The following CNBD1 variants were observed in gnomAD, a reference collection of about 807,000 sequenced individuals.
CNBD1 encodes the protein cyclic nucleotide-binding domain-containing protein 1.
CNBD1 carries 71 observed loss-of-function variants against 54.4 expected under a neutral mutation model. That is an observed-to-expected ratio of 1.30 (90% CI 1.08 to 1.59). The LOEUF is 1.59. Ranked by LOEUF, CNBD1 falls within the 40% of genes most tolerant of loss-of-function variation. The pLI, the probability that CNBD1 is intolerant of heterozygous loss-of-function variation, is 0.00. For synonymous variants in CNBD1, 182 were observed against 170.7 expected, an observed-to-expected ratio of 1.07 and a Z score of -0.51; for missense variants, 659 against 518.0, an observed-to-expected ratio of 1.27 and a Z score of -2.64.
chr8:87,254,356 TATC>T (rs1223297097), intron 6 of CNBD1, among the ~76,000 whole-genome samples: 1 of 152,222 alleles, frequency 6.6e-6, no homozygotes, highest in East Asian at 1.9e-4. Context: ...CTGTGTAGCT[TATC>T]ATGTGGTTCA....
intron 4 of CNBD1, among the ~76,000 whole-genome samples, chr8:87,175,829 G>A (rs2130772768): frequency 6.6e-6 from 1 of 152,290 alleles, no homozygotes; most frequent in Non-Finnish European, 1.5e-5. Context: ...TGTGTTTCAA[G>A]TTTATTTAGA....
At chr8:87,341,479 G>T (rs1051951418) in intron 8 of CNBD1, among the ~76,000 whole-genome samples, 2 of 152,102 alleles carry the variant, frequency 1.3e-5, no homozygotes, top group Admixed American at 1.3e-4. Flanking sequence ...ATGACAAGAG[G>T]GTAGTGTAAA....
intron 6 of CNBD1, among the ~76,000 whole-genome samples, chr8:87,256,629 C>A (rs1808029722): frequency 7.3e-6 from 1 of 136,236 alleles, no homozygotes; most frequent in African/African-American, 2.8e-5. Context: ...TATCAAAATT[C>A]TCTCTCCCCA....
In CNBD1 at chr8:87,150,313, A is replaced by G. The variant is rs377596732; in HGVS notation, c.432-55680A>G. ...ACATTTGGTTACAAAAAATGACCGT[A>G]CAATAGAGTGAAGGTCTATATGGCT... On this transcript the variant is annotated intron_variant, in intron 4 of 10. Coordinates refer to ENST00000518476, the MANE Select transcript of CNBD1 (RefSeq NM_173538.3). Among the ~76,000 whole-genome samples, 7 of 152,350 alleles carry G rather than the reference A, an allele frequency of 4.6e-5. No individual in the cohort carries two copies. The East Asian group carries it at 7.7e-4, about 17-fold the overall frequency.
chr8:87,243,426 T>C (rs78367199), intron 6 of CNBD1, among the ~76,000 whole-genome samples: 1,536 of 152,294 alleles, frequency 0.01, 27 homozygotes, highest in African/African-American at 0.035. Flanking sequence ...GAATTTAAGC[T>C]ATTTGATTTT....
chr8:87,343,424 T>G (rs1314102420), intron 8 of CNBD1, among the ~76,000 whole-genome samples: 1 of 152,230 alleles, frequency 6.6e-6, no homozygotes, highest in Non-Finnish European at 1.5e-5. Context: ...AAGTATTAAT[T>G]TTGGGAACTA....
chr8:86,963,180 C>G (rs551597554), intron 4 of CNBD1, among the ~76,000 whole-genome samples: 1 of 152,134 alleles, frequency 6.6e-6, no homozygotes, highest in South Asian at 2.1e-4. Context: ...ACCATGGGTG[C>G]AAGTGCAACC....
intron 4 of CNBD1, among the ~76,000 whole-genome samples, chr8:87,165,789 T>A (rs1812949219): frequency 1.3e-5 from 2 of 152,014 alleles, no homozygotes; most frequent in African/African-American, 4.8e-5. Context: ...TAAACTTTTT[T>A]ATTTTTTTGC....
intron 10 of CNBD1, among the ~76,000 whole-genome samples, chr8:87,370,436 G>A (rs533761414): frequency 5.8e-4 from 88 of 152,158 alleles, no homozygotes; most frequent in African/African-American, 1.9e-3. Context: ...GTGTGAGATG[G>A]TATCTCATTG....
intron 5 of CNBD1, among the ~76,000 whole-genome samples, chr8:87,212,110 A>C (rs961552421): frequency 5.3e-5 from 8 of 152,204 alleles, no homozygotes; most frequent in African/African-American, 1.9e-4. Flanking sequence ...TAAGAAATTC[A>C]GTTCAATTTG....
intron 4 of CNBD1, among the ~76,000 whole-genome samples, chr8:87,050,547 C>A (rs1810290335): frequency 6.6e-6 from 1 of 152,186 alleles, no homozygotes; most frequent in African/African-American, 2.4e-5. Context: ...CTTGAGGCAG[C>A]ACTGTCCAGG....
intron 4 of CNBD1, among the ~76,000 whole-genome samples, chr8:87,125,837 A>G (rs191062450): frequency 1.6e-4 from 25 of 151,902 alleles, no homozygotes; most frequent in Middle Eastern, 3.4e-3. Flanking sequence ...AACTGTCCCA[A>G]TACCACTCCT....
intron 6 of CNBD1, among the ~76,000 whole-genome samples, chr8:87,257,275 A>C (rs915752033): frequency 1.4e-5 from 2 of 148,060 alleles, no homozygotes; most frequent in Admixed American, 6.8e-5. Flanking sequence ...AGGCTGAGAC[A>C]GGAGAATCGC....
At chr8:87,280,456 A>C (rs1808577849) in intron 6 of CNBD1, among the ~76,000 whole-genome samples, 1 of 151,518 alleles carries the variant, frequency 6.6e-6, no homozygotes, top group South Asian at 2.1e-4. Context: ...TATTGACGAG[A>C]TTATGAGTGC....
intron 4 of CNBD1, among the ~76,000 whole-genome samples, chr8:87,150,250 A>G (rs1470468700): frequency 1.3e-5 from 2 of 152,124 alleles, no homozygotes; most frequent in Admixed American, 1.3e-4. Flanking sequence ...CAAGGCAGGT[A>G]TTTGATTTAG....
chr8:86,981,189 G>A (rs188178847), intron 4 of CNBD1, among the ~76,000 whole-genome samples: 12 of 152,308 alleles, frequency 7.9e-5, no homozygotes, highest in Admixed American at 1.3e-4. Context: ...GTGCGCGCGC[G>A]CATTGTGTAC....
Position 87,115,862 on chromosome 8 carries a change from G to A in CNBD1, c.432-90131G>A, listed in dbSNP as rs561164947. ...ATATTCACACTGCTTTTGATTAATC[G>A]ATCCGTTTACCTTCTCACTGTGCAT... On this transcript the variant is annotated intron_variant, in intron 4 of 10. Coordinates refer to ENST00000518476, the MANE Select transcript of CNBD1 (RefSeq NM_173538.3). Among the ~76,000 whole-genome samples, 5 of 152,182 alleles carry A rather than the reference G, an allele frequency of 3.3e-5. No individual in the cohort carries two copies. The East Asian group carries it at 5.8e-4, about 18-fold the overall frequency.
chr8:87,380,949 A>T (rs1253520118), intron 10 of CNBD1, among the ~76,000 whole-genome samples: 1 of 152,060 alleles, frequency 6.6e-6, no homozygotes, highest in Non-Finnish European at 1.5e-5. Flanking sequence ...TCTTAGAAGA[A>T]TACGTAGTTA....
rs548012673 is a variant in CNBD1, at chr8:87,282,410, A to G, written c.772-2268A>G. 7.6e-4 allele frequency among the ~76,000 whole-genome samples: 116 copies of G among 151,792 alleles called. 1 individual carries two copies. Among genetic ancestry groups the G allele is most frequent in the African/African-American group, 2.7e-3 (111 of 41,544 alleles). On this transcript the variant is annotated intron_variant, in intron 6 of 10. Transcript: ENST00000518476. Reference sequence around the variant, plus strand: ...TTCAGTATTGTTCTAGCTGAAATTCATCTTTTAGTCATTTGTTTCTTATAA... The same window carrying G: ...TTCAGTATTGTTCTAGCTGAAATTCGTCTTTTAGTCATTTGTTTCTTATAA...
Sources: gnomAD v4.1 joint callset for allele counts (sites outside exome capture counted in the v4.1 genomes callset) on GRCh38, gnomAD v4.1.1 for gene constraint, MANE v1.5 for transcripts, NCBI Gene and HGNC (gene_info 2026-07-23, HGNC 2026-07-21) for gene names.